LYPLAL1: variants seen among roughly 807,000 people sequenced by gnomAD.
LYPLAL1 encodes the protein lysophospholipase-like protein 1.
LYPLAL1 carries 23 observed loss-of-function variants against 19.7 expected under a neutral mutation model. The ratio of observed to expected loss-of-function variants is 1.17; its 90% CI spans 0.84 to 1.65. The LOEUF (loss-of-function observed/expected upper bound fraction) is 1.65, where lower values mean the gene tolerates loss of function less well. LYPLAL1 is among the 40% of genes most tolerant of loss of function. The pLI, the probability that LYPLAL1 is intolerant of heterozygous loss-of-function variation, is 0.00. For synonymous variants in LYPLAL1, 119 were observed against 96.3 expected (o/e 1.24, Z -1.38); for missense variants, 355 against 279.4 (o/e 1.27, Z -1.93).
chr1:219,321,327 G>A, the LYPLAL1 span, among the ~76,000 whole-genome samples: 4 of 152,138 alleles, frequency 2.6e-5, no homozygotes, highest in East Asian at 3.9e-4. Context: ...ATTCTTTGTC[G>A]ATTCTGGATA....
At chr1:219,174,305 G>A (rs1393649077) in intron 1 of LYPLAL1, 1 of 1,199,938 alleles carries the variant, frequency 8.3e-7, no homozygotes, top group African/African-American at 1.6e-5. Flanking sequence ...AGTTAGTAAG[G>A]TAAGTCTTCT....
chr1:219,243,033 G>A, the LYPLAL1 span, among the ~76,000 whole-genome samples: 1 of 152,116 alleles, frequency 6.6e-6, no homozygotes, highest in Non-Finnish European at 1.5e-5. Context: ...GGGAAAGAAT[G>A]GCTGGAAGGG....
the LYPLAL1 span, among the ~76,000 whole-genome samples, chr1:219,424,445 TAGCTGCC>T: frequency 6.6e-6 from 1 of 152,248 alleles, no homozygotes; most frequent in Non-Finnish European, 1.5e-5. Flanking sequence ...ATTAGCTATG[TAGCTGCC>T]AGATCAATTG....
At chr1:219,177,726 G>A (rs1655942051) in intron 1 of LYPLAL1, among the ~76,000 whole-genome samples, 1 of 152,114 alleles carries the variant, frequency 6.6e-6, no homozygotes, top group Admixed American at 6.5e-5. Context: ...TGTAGTCTAA[G>A]CATGAACAGT....
the LYPLAL1 span, among the ~76,000 whole-genome samples, chr1:219,350,024 G>C: frequency 2.6e-5 from 4 of 152,234 alleles, no homozygotes; most frequent in Non-Finnish European, 5.9e-5. Context: ...GCTGAGATTA[G>C]AGTGAGGTTC....
the LYPLAL1 span, among the ~76,000 whole-genome samples, chr1:219,392,900 T>G: frequency 6.6e-6 from 1 of 152,168 alleles, no homozygotes; most frequent in Non-Finnish European, 1.5e-5. Context: ...TTATATAATC[T>G]AAGATAATCT....
chr1:219,201,218 T>A (rs1658070688), intron 3 of LYPLAL1, among the ~76,000 whole-genome samples: 1 of 152,166 alleles, frequency 6.6e-6, no homozygotes, highest in African/African-American at 2.4e-5. Context: ...AAAAAAACTT[T>A]TAAAATCTTT....
the LYPLAL1 span, among the ~76,000 whole-genome samples, chr1:219,250,232 A>G: frequency 6.6e-6 from 1 of 151,776 alleles, no homozygotes; most frequent in African/African-American, 2.4e-5. Context: ...TTTTTTCTGT[A>G]TGGATATTCA....
intron 2 of LYPLAL1, among the ~76,000 whole-genome samples, chr1:219,187,957 AAAAG>A (rs1328205116): frequency 1.3e-5 from 2 of 151,880 alleles, no homozygotes; most frequent in Non-Finnish European, 2.9e-5. Context: ...GATTTTTTAA[AAAAG>A]AAACAAAAAT....
At chr1:219,227,688 A>G in the LYPLAL1 span, among the ~76,000 whole-genome samples, 1 of 152,216 alleles carries the variant, frequency 6.6e-6, no homozygotes, top group African/African-American at 2.4e-5. Flanking sequence ...AAAAAATTTA[A>G]TCTTAGGATT....
the LYPLAL1 span, among the ~76,000 whole-genome samples, chr1:219,293,941 C>G: frequency 6.6e-6 from 1 of 152,148 alleles, no homozygotes; most frequent in Non-Finnish European, 1.5e-5. Context: ...ATTCAGTCCC[C>G]ATGTGTCACA....
At chr1:219,229,310 AGAG>A in the LYPLAL1 span, among the ~76,000 whole-genome samples, 1 of 140,172 alleles carries the variant, frequency 7.1e-6, no homozygotes, top group South Asian at 2.2e-4. Context: ...AGAGAGAGAG[AGAG>A]AGAGAGAGAG....
chr1:219,383,646 C>T, the LYPLAL1 span, among the ~76,000 whole-genome samples: 3 of 152,152 alleles, frequency 2.0e-5, no homozygotes, highest in Admixed American at 6.5e-5. Context: ...AATACAAGAA[C>T]CCATGCATAA....
the LYPLAL1 span, among the ~76,000 whole-genome samples, chr1:219,404,050 C>T: frequency 6.6e-6 from 1 of 151,944 alleles, no homozygotes; most frequent in Non-Finnish European, 1.5e-5. Context: ...TGGCTATGTC[C>T]TCACATAAAG....
At chr1:219,253,525 C>A in the LYPLAL1 span, among the ~76,000 whole-genome samples, 1 of 151,968 alleles carries the variant, frequency 6.6e-6, no homozygotes, top group East Asian at 1.9e-4. Flanking sequence ...GCCTCAATTT[C>A]ATTATTTACC....
the LYPLAL1 span, among the ~76,000 whole-genome samples, chr1:219,334,030 A>T: frequency 1.3e-5 from 2 of 152,060 alleles, no homozygotes; most frequent in Non-Finnish European, 2.9e-5. Context: ...TAAAATGTCT[A>T]TTATTTAAAG....
intron 3 of LYPLAL1, 63 bp downstream of exon 3, chr1:219,193,314 TCTTA>T: frequency 7.5e-7 from 1 of 1,332,590 alleles, no homozygotes; most frequent in East Asian, 2.3e-5. Context: ...ATACATCAAA[TCTTA>T]CTTGGAACAT....
At chr1:219,245,211 TCC>T in the LYPLAL1 span, among the ~76,000 whole-genome samples, 4 of 147,078 alleles carry the variant, frequency 2.7e-5, no homozygotes, top group Non-Finnish European at 4.6e-5. Context: ...CTTCCTTCCT[TCC>T]TTCCTTCCTT....
At chr1:219,316,176 A>G in the LYPLAL1 span, among the ~76,000 whole-genome samples, 1 of 152,176 alleles carries the variant, frequency 6.6e-6, no homozygotes, top group African/African-American at 2.4e-5. Context: ...AATTTTGTTA[A>G]ATGTTTTTTC....
Sources: gnomAD v4.1 joint callset for allele counts (sites outside exome capture counted in the v4.1 genomes callset) on GRCh38, gnomAD v4.1.1 for gene constraint, MANE v1.5 for transcripts, NCBI Gene and HGNC (gene_info 2026-07-23, HGNC 2026-07-21) for gene names.